Variants in KCND3 observed in about 807,000 individuals in gnomAD.
KCND3 encodes potassium voltage-gated channel subfamily D member 3, also known as A-type voltage-gated potassium channel KCND3.
In KCND3, 9 loss-of-function variants were observed where a neutral mutation model predicts 51.1. The ratio of observed to expected loss-of-function variants is 0.18; its 90% confidence interval spans 0.11 to 0.31. KCND3 has a LOEUF of 0.31. KCND3 is among the 10% of genes least tolerant of loss of function. The pLI, the probability that KCND3 is intolerant of heterozygous loss-of-function variation, is 1.00. For missense variants in KCND3, 526 were observed against 903.8 expected, an observed-to-expected ratio of 0.58 and a Z score of 5.36; for synonymous variants, 349 against 368.0, an observed-to-expected ratio of 0.95 and a Z score of 0.59.
intron 2 of KCND3, among the ~76,000 whole-genome samples, chr1:111,830,730 A>T (rs1666797508): frequency 6.6e-6 from 1 of 152,240 alleles, no homozygotes. Flanking sequence ...AATATAAAAC[A>T]ATGCCACTCT....
chr1:111,796,861 A>AAAGGGGTGGGCG (rs1665077200), intron 2 of KCND3, among the ~76,000 whole-genome samples: 1 of 152,158 alleles, frequency 6.6e-6, no homozygotes, highest in African/African-American at 2.4e-5. Context: ...AGTCCTGCGA[A>AAAGGGGTGGGCG]AAGGGGTGGG....
intron 2 of KCND3, among the ~76,000 whole-genome samples, chr1:111,899,283 A>T (rs1670269882): frequency 6.6e-6 from 1 of 152,208 alleles, no homozygotes; most frequent in Admixed American, 6.5e-5. Context: ...GGATTCAATA[A>T]AACAATGAAG....
chr1:111,834,261 AG>A (rs1260533670), intron 2 of KCND3, among the ~76,000 whole-genome samples: 2 of 152,206 alleles, frequency 1.3e-5, no homozygotes, highest in Non-Finnish European at 2.9e-5. Context: ...TTTTCTTGTA[AG>A]GGGGAGATGT....
At chr1:111,796,535 C>G (rs1206440851) in intron 2 of KCND3, among the ~76,000 whole-genome samples, 2 of 152,062 alleles carry the variant, frequency 1.3e-5, no homozygotes, top group Non-Finnish European at 2.9e-5. Context: ...GAAGAGAGAA[C>G]CAAATACTGC....
chr1:111,860,093 G>A (rs927423902), intron 2 of KCND3, among the ~76,000 whole-genome samples: 13 of 152,288 alleles, frequency 8.5e-5, no homozygotes, highest in East Asian at 3.9e-4. Flanking sequence ...AAGTTTCACC[G>A]TCTTAGATAC....
chr1:111,970,365 A>G (rs968347639), intron 2 of KCND3, among the ~76,000 whole-genome samples: 2 of 152,234 alleles, frequency 1.3e-5, no homozygotes, highest in African/African-American at 4.8e-5. Flanking sequence ...TTCTGTTCAC[A>G]GATACGTCTT....
At chr1:111,939,393 C>T (rs1261945227) in intron 2 of KCND3, among the ~76,000 whole-genome samples, 1 of 152,106 alleles carries the variant, frequency 6.6e-6, no homozygotes, top group Admixed American at 6.5e-5. Context: ...CCCCACCCCC[C>T]AACAGGCCCG....
At chr1:111,873,528 T>C (rs1002877570) in intron 2 of KCND3, among the ~76,000 whole-genome samples, 1 of 152,128 alleles carries the variant, frequency 6.6e-6, no homozygotes, top group African/African-American at 2.4e-5. Context: ...AACTCTACTT[T>C]ATGAATAAGA....
In KCND3 at chr1:111,842,053, G is replaced by C. The variant is rs374541892; in HGVS notation, c.1107-54947C>G. Reference sequence around the variant, plus strand: ...GTAGCATAAAAACATGTCCTGGAGAGAGGGAAGGCAGCTGGGAAGCAGGGC... The same window carrying C: ...GTAGCATAAAAACATGTCCTGGAGACAGGGAAGGCAGCTGGGAAGCAGGGC... On this transcript the variant is annotated intron_variant, in intron 2 of 7. Transcript: ENST00000302127. Among the ~76,000 whole-genome samples the C allele has an allele frequency of 5.9e-5, 9 of 152,344 alleles. No individual in the cohort carries two copies. The East Asian group carries it at 9.6e-4, about 16-fold the overall frequency.
intron 2 of KCND3, among the ~76,000 whole-genome samples, chr1:111,816,861 T>C (rs1666112598): frequency 6.6e-6 from 1 of 152,148 alleles, no homozygotes; most frequent in Admixed American, 6.6e-5. Context: ...ACATCCCAAC[T>C]ACATGCACTC....
chr1:111,857,267 G>C (rs1166417252), intron 2 of KCND3, among the ~76,000 whole-genome samples: 1 of 152,220 alleles, frequency 6.6e-6, no homozygotes, highest in Non-Finnish European at 1.5e-5. Context: ...CAGTCCCTGA[G>C]AGAAGGTGCA....
chr1:111,914,546 A>G (rs907492712), intron 2 of KCND3, among the ~76,000 whole-genome samples: 1 of 152,242 alleles, frequency 6.6e-6, no homozygotes, highest in African/African-American at 2.4e-5. Flanking sequence ...GAAAAAGGAC[A>G]TTACACACAG....
At chr1:111,819,233 G>A (rs1485195871) in intron 2 of KCND3, among the ~76,000 whole-genome samples, 1 of 152,158 alleles carries the variant, frequency 6.6e-6, no homozygotes, top group Non-Finnish European at 1.5e-5. Flanking sequence ...GCCTGGGAGT[G>A]TGGGACTGCT....
intron 2 of KCND3, among the ~76,000 whole-genome samples, chr1:111,893,160 TAAAC>T (rs1422235398): frequency 2.6e-5 from 4 of 152,084 alleles, no homozygotes; most frequent in Admixed American, 2.6e-4. Context: ...GATAGACAGG[TAAAC>T]AAACAATTAC....
At position 111,895,423 on chromosome 1, in the gene KCND3, TAAAGA is replaced by T. The variant is rs1333294561; in HGVS notation, c.1106+86193_1106+86197del. ...GGGGAAGGGGTAATAAAAATTAAAT[TAAAGA>T]AATTTTTTAAAGTTGGAAGAACAAA... On this transcript the variant is annotated intron_variant, in intron 2 of 7. Coordinates refer to ENST00000302127, the MANE Select transcript of KCND3 (RefSeq NM_001378969.1). Among the ~76,000 whole-genome samples the T allele has an allele frequency of 2.6e-5, 4 of 152,238 alleles. No homozygotes were observed. The East Asian group carries it at 7.7e-4, about 29-fold the overall frequency.
intron 2 of KCND3, among the ~76,000 whole-genome samples, chr1:111,890,008 G>C (rs1246467324): frequency 6.6e-6 from 1 of 152,134 alleles, no homozygotes; most frequent in African/African-American, 2.4e-5. Flanking sequence ...GGTCGGGAGG[G>C]ACTAGGAGCA....
intron 2 of KCND3, among the ~76,000 whole-genome samples, chr1:111,950,170 C>T (rs554725259): frequency 1.9e-4 from 29 of 152,206 alleles, no homozygotes; most frequent in African/African-American, 6.0e-4. Context: ...CTCAGCCTCC[C>T]GAAGTGCTGG....
chr1:111,849,928 C>T (rs566905187), intron 2 of KCND3, among the ~76,000 whole-genome samples: 5 of 152,216 alleles, frequency 3.3e-5, no homozygotes, highest in Middle Eastern at 3.4e-3. Context: ...GGATCTGAGA[C>T]CCAGCCTCCT....
At chr1:111,854,932 A>G (rs1426297260) in intron 2 of KCND3, among the ~76,000 whole-genome samples, 3 of 152,164 alleles carry the variant, frequency 2.0e-5, no homozygotes, top group Non-Finnish European at 4.4e-5. Context: ...AAGCACCTGG[A>G]GAATCTCACT....
Sources: gnomAD v4.1 joint callset for allele counts (sites outside exome capture counted in the v4.1 genomes callset) on GRCh38, gnomAD v4.1.1 for gene constraint, MANE v1.5 for transcripts, NCBI Gene and HGNC (gene_info 2026-07-23, HGNC 2026-07-21) for gene names.